CCSER1: variants seen among roughly 807,000 people sequenced by gnomAD.
CCSER1 encodes the protein coiled-coil serine rich protein 1.
CCSER1 carries 41 observed loss-of-function variants against 82.0 expected under a neutral mutation model. That is an observed-to-expected ratio of 0.50 (90% CI 0.39 to 0.65). The LOEUF is 0.65. Ranked by LOEUF, CCSER1 falls within the 30% of genes least tolerant of loss-of-function variation. The pLI is 0.00. For missense variants in CCSER1, 1,119 were observed against 1,064.2 expected, an observed-to-expected ratio of 1.05 and a Z score of -0.72; for synonymous variants, 414 against 383.9, an observed-to-expected ratio of 1.08 and a Z score of -0.92.
chr4:91,297,367 GTGTGTGTGTGTGTGTGTA>G (rs1190710309), intron 10 of CCSER1, among the ~76,000 whole-genome samples: 38 of 95,140 alleles, frequency 4.0e-4, no homozygotes, highest in African/African-American at 9.1e-4. Flanking sequence ...ATGGATGCTT[GTGTGTGTGTGTGTGTGTA>G]TGTGTGTGTG....
At chr4:90,217,950 C>A (rs1741405608) in intron 1 of CCSER1, among the ~76,000 whole-genome samples, 1 of 151,948 alleles carries the variant, frequency 6.6e-6, no homozygotes, top group South Asian at 2.1e-4. Flanking sequence ...CACACACCAC[C>A]ACATCTGGCA....
chr4:90,815,413 CAT>C (rs1478162331), intron 7 of CCSER1, among the ~76,000 whole-genome samples: 5 of 152,022 alleles, frequency 3.3e-5, no homozygotes, highest in Admixed American at 6.6e-5. Context: ...TATGCACAAA[CAT>C]GAGAGGGAAT....
intron 10 of CCSER1, among the ~76,000 whole-genome samples, chr4:91,506,393 T>C (rs1759488049): frequency 6.6e-6 from 1 of 152,168 alleles, no homozygotes; most frequent in Admixed American, 6.5e-5. Flanking sequence ...TTTTTTTGTT[T>C]GTTTGTTTTT....
At chr4:91,049,543 T>G (rs995530100) in intron 9 of CCSER1, among the ~76,000 whole-genome samples, 2 of 152,224 alleles carry the variant, frequency 1.3e-5, no homozygotes, top group African/African-American at 4.8e-5. Context: ...TCTTATTTTT[T>G]GTTTATTATT....
At chr4:91,377,724 C>A (rs1363019889) in intron 10 of CCSER1, among the ~76,000 whole-genome samples, 2 of 152,128 alleles carry the variant, frequency 1.3e-5, no homozygotes, top group East Asian at 1.9e-4. Context: ...ATGGTAGTTT[C>A]TTTTGCTGTG....
intron 10 of CCSER1, among the ~76,000 whole-genome samples, chr4:91,441,823 A>G (rs1245894490): frequency 2.2e-5 from 3 of 136,046 alleles, no homozygotes; most frequent in Non-Finnish European, 4.7e-5. Context: ...CTTATACACC[A>G]ATAACAGACA....
chr4:90,942,475 G>T (rs1310975833), intron 9 of CCSER1, among the ~76,000 whole-genome samples: 3 of 151,636 alleles, frequency 2.0e-5, no homozygotes, highest in Admixed American at 6.6e-5. Flanking sequence ...TTTGATTTTT[G>T]TATGGGGATA....
intron 5 of CCSER1, among the ~76,000 whole-genome samples, chr4:90,554,822 G>C (rs1163211803): frequency 1.3e-5 from 2 of 152,192 alleles, no homozygotes; most frequent in Non-Finnish European, 2.9e-5. Context: ...GAAGTAAAAT[G>C]TAATGCTGTT....
chr4:91,022,784 G>A (rs1268311637), intron 9 of CCSER1, among the ~76,000 whole-genome samples: 2 of 152,186 alleles, frequency 1.3e-5, no homozygotes, highest in Admixed American at 6.5e-5. Flanking sequence ...TTTTTCACGT[G>A]TCTTTTGGCT....
chr4:91,151,325 T>A lies in CCSER1; in HGVS notation c.2217+65331T>A, dbSNP rs376965692. On this transcript the variant is annotated intron_variant, in intron 10 of 10. Transcript: ENST00000509176. ...GGGATCAGTGGTGATATCCACTCTA[T>A]CATTTTTTATTGCATCTATTTTGTT... Among the ~76,000 whole-genome samples the A allele has an allele frequency of 5.1e-4, 78 of 152,322 alleles. 4 individuals are homozygous for A. The East Asian group carries it at 7.1e-3, about 14-fold the overall frequency.
chr4:90,317,169 G>A (rs897693525), intron 3 of CCSER1, among the ~76,000 whole-genome samples: 6 of 152,044 alleles, frequency 3.9e-5, no homozygotes, highest in Non-Finnish European at 7.4e-5. Context: ...TTTACATAGG[G>A]AATTCTAACT....
chr4:90,135,891 C>T (rs1418138581), intron 1 of CCSER1, among the ~76,000 whole-genome samples: 2 of 152,156 alleles, frequency 1.3e-5, no homozygotes, highest in Non-Finnish European at 2.9e-5. Context: ...GTTTACTGAA[C>T]AGCTTAATCC....
At chr4:90,752,523 A>T (rs1748828406) in intron 7 of CCSER1, among the ~76,000 whole-genome samples, 1 of 152,066 alleles carries the variant, frequency 6.6e-6, no homozygotes, top group African/African-American at 2.4e-5. Flanking sequence ...TTTTATTATT[A>T]CAAATTTTGG....
At position 90,861,925 on chromosome 4, in the gene CCSER1, TA is replaced by T. The variant is rs1319795335; in HGVS notation, c.2094+46081del. On this transcript the variant is annotated intron_variant, in intron 8 of 10. Coordinates refer to ENST00000509176, the MANE Select transcript of CCSER1 (RefSeq NM_001145065.2). ...TGACTCATATATATATATATATATA[TA>T]TTTTTTTTTTCTGTTAGACTAGTGT... 3.7e-3 allele frequency among the ~76,000 whole-genome samples: 350 copies of T among 93,566 alleles called. 1 individual carries two copies. Among genetic ancestry groups the T allele is most frequent in the African/African-American group, 9.1e-3 (288 of 31,814 alleles). 61.4% of individuals were successfully genotyped at this position (93,566 alleles called of 152,430 possible). A position where few individuals can be genotyped will look rare whatever the true frequency, so the allele number is the denominator to read the frequency against.
rs137891007 is a variant in CCSER1 at position 90,801,070 on chromosome 4, A to G, written c.2011-14692A>G. 4.5e-4 allele frequency among the ~76,000 whole-genome samples: 69 copies of G among 152,260 alleles called. 1 individual carries two copies. The East Asian group carries it at 0.011, about 25-fold the overall frequency. On this transcript the variant is annotated intron_variant, in intron 7 of 10. Transcript: ENST00000509176. ...TTGTTAGTTCAAAAAAATGAAACAAAGAGGACACTAACAAATTGGAAATGA... is the reference window on the plus strand; with the variant it reads ...TTGTTAGTTCAAAAAAATGAAACAAGGAGGACACTAACAAATTGGAAATGA...
intron 10 of CCSER1, among the ~76,000 whole-genome samples, chr4:91,371,860 C>T (rs1448154755): frequency 6.6e-6 from 1 of 151,224 alleles, no homozygotes. Flanking sequence ...ACCCTAGGAC[C>T]TAGGGCTGAG....
chr4:91,463,974 C>A (rs1756687887), intron 10 of CCSER1, among the ~76,000 whole-genome samples: 2 of 152,142 alleles, frequency 1.3e-5, no homozygotes, highest in Admixed American at 1.3e-4. Context: ...GCAAGGCAGG[C>A]CAACATTCAA....
chr4:91,255,282 T>G (rs1740598229), intron 10 of CCSER1, among the ~76,000 whole-genome samples: 1 of 152,188 alleles, frequency 6.6e-6, no homozygotes, highest in Non-Finnish European at 1.5e-5. Context: ...TAAAAATATA[T>G]AACTCACAGA....
At chr4:91,586,730 C>A (rs1327669265) in intron 10 of CCSER1, among the ~76,000 whole-genome samples, 1 of 151,648 alleles carries the variant, frequency 6.6e-6, no homozygotes, top group East Asian at 1.9e-4. Context: ...CTGTTTCATG[C>A]TTAGAAATTA....
Sources: allele counts gnomAD v4.1 joint callset (sites outside exome capture counted in the v4.1 genomes callset), GRCh38; gene constraint gnomAD v4.1.1; transcripts MANE v1.5; gene names NCBI Gene and HGNC (gene_info 2026-07-23, HGNC 2026-07-21).